COG1: variants seen among roughly 807,000 people sequenced by gnomAD.
COG1 encodes the protein conserved oligomeric Golgi complex subunit 1.
A neutral mutation model predicts 102.2 loss-of-function variants in COG1; 61 were observed. The observed-to-expected ratio is 0.60, with a 90% CI of 0.49 to 0.74. COG1 has a LOEUF of 0.74. COG1 is among the 30% of genes least tolerant of loss of function. The pLI is 0.00. For missense variants in COG1, 1,164 were observed against 1,232.1 expected (o/e 0.94, Z 0.83); for synonymous variants, 454 against 493.6 (o/e 0.92, Z 1.06).
intron 8 of COG1, 156 bp from the exon 9 acceptor site, chr17:73,203,476 G>A (rs2061355290): frequency 1.1e-6 from 1 of 898,604 alleles, no homozygotes; most frequent in Non-Finnish European, 1.8e-6. Context: ...CTTAACCAGG[G>A]GCCTTGTGTC....
chr17:73,207,140 T>C, intron 12 of COG1, 41 bp from the exon 13 acceptor site: 1 of 1,464,666 alleles, frequency 6.8e-7, no homozygotes, highest in Non-Finnish European at 9.5e-7. Context: ...GCCCCAGAGC[T>C]GCCTGTTTGT....
At position 73,197,022 on chromosome 17, in the gene COG1, C is replaced by T. The variant is rs765149692; in HGVS notation, c.683C>T (p.Thr228Ile). The stretch of plus-strand genomic sequence containing the variant: ...GAGAGTTCTCCTCGCCAAGCCCTCA[C>T]AGACTTCCTGCTGGCCAGAAAGGCA... ...LEESSPRQAL[T>I]DFLLARKATI... The change falls in exon 3 of 14, where the codon ACA (threonine) becomes ATA (isoleucine). Residue 228 changes from threonine (T) to isoleucine (I), a missense_variant. Thr to Ile is a moderately conservative substitution (Grantham distance 89). Coordinates refer to ENST00000299886, the MANE Select transcript of COG1 (RefSeq NM_018714.3). 2.5e-6 allele frequency: 4 copies of T among 1,614,222 alleles called. No homozygotes were observed. The highest frequency in any genetic ancestry group is 1.1e-5 in the South Asian group (1 of 91,090).
intron 2 of COG1, 63 bp downstream of exon 2, chr17:73,196,814 G>A: frequency 6.2e-7 from 1 of 1,613,880 alleles, no homozygotes; most frequent in Non-Finnish European, 8.5e-7. Flanking sequence ...ACGGGTTTAT[G>A]GCGTTTGTCT....
At position 73,201,779 on chromosome 17, in the gene COG1, A is replaced by G. The variant is rs146340886; in HGVS notation, c.1952A>G (p.Lys651Arg). The change falls in exon 7 of 14, where the codon AAA becomes AGA. Residue 651 changes from lysine (K) to arginine (R), a missense_variant. By Grantham distance (26) the Lys-to-Arg change is conservative. Transcript: ENST00000299886. ...GCAAGGGAGTTTAGGGCTCTGAGAA[A>G]ACAGGGAAAGGTGAAAACTCAGGAA... ...KPAREFRALRKQGKVKTQEII... is the reference protein window; with the variant it reads ...KPAREFRALRRQGKVKTQEII... The G allele has an allele frequency of 4.5e-5, 72 of 1,614,068 alleles. No individual in the cohort carries two copies. The highest frequency in any genetic ancestry group is 6.0e-5 in the Non-Finnish European group (71 of 1,180,040).
rs369501748 is a variant in COG1, at chr17:73,205,497, C to T, written c.2383-56C>T. The T allele has an allele frequency of 3.5e-4, 558 of 1,598,352 alleles. 4 individuals are homozygous for T. In the South Asian group the frequency reaches 4.4e-3, roughly 13 times the overall value. On this transcript the variant is annotated intron_variant, in intron 9 of 13. Transcript: ENST00000299886. ...AACCAAAACTTGAAGCTGTTTATTACGCTCACATACCAAGTCCTCTCTCTT... is the reference window on the plus strand; with the variant it reads ...AACCAAAACTTGAAGCTGTTTATTATGCTCACATACCAAGTCCTCTCTCTT...
In COG1 at chr17:73,202,982, T is replaced by C. The variant is rs367616850; in HGVS notation, c.2074-18T>C. ...AGGATCTGAGTGGCTTGTATGGATA[T>C]CTGCCTTTTATTACCAGGTTTTGAT... On this transcript the variant is annotated intron_variant, in intron 7 of 13. Transcript: ENST00000299886. The C allele has an allele frequency of 6.2e-7, 1 of 1,613,952 alleles. No individual in the cohort carries two copies.
intron 7 of COG1, 124 bp from the exon 8 acceptor site, chr17:73,202,876 T>TGATAC: frequency 1.9e-6 from 2 of 1,033,176 alleles, no homozygotes; most frequent in Non-Finnish European, 3.0e-6. Flanking sequence ...AAAAGAGGAC[T>TGATAC]GATACCATCA....
chr17:73,202,203 G>A (rs2061350026), intron 7 of COG1, among the ~76,000 whole-genome samples: 1 of 152,116 alleles, frequency 6.6e-6, no homozygotes, highest in Admixed American at 6.5e-5. Context: ...GCCGGGCATG[G>A]TGGTGGGCGC....
chr17:73,206,213 T>G lies in COG1; in HGVS notation c.2570T>G (p.Phe857Cys). Residue 857 changes from phenylalanine (F) to cysteine (C), a missense_variant, in exon 11 of 14, where the codon TTC becomes TGC. Physicochemically the swap from Phe to Cys is radical, Grantham distance 205 (BLOSUM62 -2). Coordinates refer to ENST00000299886, the MANE Select transcript of COG1 (RefSeq NM_018714.3). Reference protein sequence around the residue: ...ALIDPFDLDVFTPHLNSNLHR... With the variant: ...ALIDPFDLDVCTPHLNSNLHR... Reference sequence around the variant, plus strand: ...ATTGATCCATTTGACCTGGACGTTTTCACGCCACACCTCAACAGCAACCTT... The same window carrying G: ...ATTGATCCATTTGACCTGGACGTTTGCACGCCACACCTCAACAGCAACCTT... The G allele has an allele frequency of 6.2e-7, 1 of 1,614,190 alleles. No individual in the cohort carries two copies. Among genetic ancestry groups the G allele is most frequent in the Non-Finnish European group, 8.5e-7 (1 of 1,180,014 alleles).
chr17:73,207,435 G>A, intron 13 of COG1, 179 bp downstream of exon 13: 1 of 732,682 alleles, frequency 1.4e-6, no homozygotes, highest in Non-Finnish European at 2.4e-6. Context: ...GCTACTAGAA[G>A]GTGTAAAAGA....
Position 73,205,693 on chromosome 17 carries a change from C to T in COG1, c.2510+13C>T, listed in dbSNP as rs1237793420. 3.1e-6 allele frequency: 5 copies of T among 1,613,288 alleles called. No homozygotes were observed. In the East Asian group the frequency reaches 1.1e-4, roughly 36 times the overall value. On this transcript the variant is annotated intron_variant, in intron 10 of 13. Transcript: ENST00000299886. ...AGCCAGACTCCAGGTGTCGTATCCT[C>T]TAGGGAGCTATGTCAAGGCGGTCTC... is the stretch of plus-strand genomic sequence containing the variant.
In COG1 at chr17:73,201,383, C is replaced by T. The variant is rs764231325; in HGVS notation, c.1556C>T (p.Ser519Phe). ...AISPCVQNFC[S>F]ALDSKLKVKL... ...AGCCCTTGTGTACAGAACTTCTGTT[C>T]TGCCCTGGATTCTAAGCTGAAGGTT... Residue 519 changes from serine to phenylalanine, a missense_variant, in exon 7 of 14, where the codon TCT becomes TTT. Coordinates refer to ENST00000299886, the MANE Select transcript of COG1 (RefSeq NM_018714.3). 6.2e-7 allele frequency: 1 copy of T among 1,614,218 alleles called. No homozygotes were observed. Among genetic ancestry groups the T allele is most frequent in the Non-Finnish European group, 8.5e-7 (1 of 1,180,038 alleles).
Position 73,196,949 on chromosome 17 carries a change from T to C in COG1, c.610T>C (p.Ser204Pro). Residue 204 changes from serine to proline, a missense_variant, in exon 3 of 14, where the codon TCT becomes CCT. Ser to Pro is a moderately conservative substitution (Grantham distance 74). Coordinates refer to ENST00000299886, the MANE Select transcript of COG1 (RefSeq NM_018714.3). ...SKMLLKCQGV[S>P]DQAVAEALCS... is the part of the protein sequence containing the mutation. The stretch of plus-strand genomic sequence containing the variant: ...GATGTTGCTCAAATGCCAAGGTGTG[T>C]CTGACCAAGCTGTGGCCGAGGCCCT... The C allele has an allele frequency of 6.2e-7, 1 of 1,614,226 alleles. No individual in the cohort carries two copies. The highest frequency in any genetic ancestry group is 8.5e-7 in the Non-Finnish European group (1 of 1,180,042).
At chr17:73,197,138 G>A in intron 3 of COG1, 57 bp downstream of exon 3, 9 of 1,612,594 alleles carry the variant, frequency 5.6e-6, no homozygotes, top group Non-Finnish European at 7.6e-6. Context: ...AGAAGGGTGA[G>A]CTGCGGGAGA....
intron 1 of COG1, among the ~76,000 whole-genome samples, chr17:73,194,720 T>C (rs1372476923): frequency 6.6e-6 from 1 of 152,084 alleles, no homozygotes; most frequent in Admixed American, 6.5e-5. Context: ...TGCCTTGGCC[T>C]CCCAAAGTGA....
In COG1 at chr17:73,206,728, T is replaced by C. The variant is rs983100723; in HGVS notation, c.2640T>C (p.Thr880=). The change falls in exon 12 of 14, where the codon ACT becomes ACC. Residue 880 remains threonine, a synonymous_variant. Transcript: ENST00000299886. ...QRTSVLFGLV[T]GTENQLAPRS... ...GCCAGGTTCTGTTTGGATTGGTGAC[T>C]GGTACAGAGAATCAGCTCGCCCCCC... 2 of 1,612,486 alleles carry C rather than the reference T, an allele frequency of 1.2e-6. No homozygotes were observed. The highest frequency in any genetic ancestry group is 1.1e-5 in the South Asian group (1 of 91,012).
At chr17:73,195,403 A>G (rs1367952297) in intron 1 of COG1, among the ~76,000 whole-genome samples, 1 of 152,108 alleles carries the variant, frequency 6.6e-6, no homozygotes, top group Non-Finnish European at 1.5e-5. Flanking sequence ...GCTTGATCAC[A>G]GGAGTTTGAA....
intron 7 of COG1, 67 bp downstream of exon 7, chr17:73,201,967 A>C: frequency 1.4e-5 from 20 of 1,419,394 alleles, no homozygotes; most frequent in Non-Finnish European, 2.0e-5. Flanking sequence ...TGCCAACCTC[A>C]ATCAGTTCCT....
chr17:73,203,288 ATGTAGGGCTAAGT>A, intron 8 of COG1, 142 bp downstream of exon 8: 2 of 1,071,130 alleles, frequency 1.9e-6, no homozygotes, highest in Non-Finnish European at 2.8e-6. Context: ...GGCATAGTAG[ATGTAGGGCTAAGT>A]AAATGGCAGA....
Sources: gnomAD v4.1 joint callset for allele counts (sites outside exome capture counted in the v4.1 genomes callset) on GRCh38, gnomAD v4.1.1 for gene constraint, MANE v1.5 for transcripts, NCBI Gene and HGNC (gene_info 2026-07-23, HGNC 2026-07-21) for gene names.